ABCA9: variants seen among roughly 807,000 people sequenced by gnomAD.
The protein encoded by ABCA9 is ATP-binding cassette sub-family A member 9.
In ABCA9, 183 loss-of-function variants were observed where a neutral mutation model predicts 205.3. That is an observed-to-expected ratio of 0.89 (90% CI 0.79 to 1.01). The LOEUF (loss-of-function observed/expected upper bound fraction) is 1.01. Ranked by LOEUF, ABCA9 falls within the 50% of genes least tolerant of loss-of-function variation. The pLI, the probability that ABCA9 is intolerant of heterozygous loss-of-function variation, is 0.00. For missense variants in ABCA9, 1,805 were observed against 1,912.4 expected (o/e 0.94, Z 1.05); for synonymous variants, 651 against 683.3 (o/e 0.95, Z 0.74).
chr17:68,997,692 A>T (rs2144083752), intron 25 of ABCA9, among the ~76,000 whole-genome samples: 1 of 148,552 alleles, frequency 6.7e-6, no homozygotes, highest in East Asian at 2.0e-4. Flanking sequence ...AGGTTAAGAG[A>T]TTTCTCATAT....
chr17:68,993,135 T>C (rs371903512), intron 26 of ABCA9, 51 bp from the exon 27 acceptor site: 4 of 1,481,800 alleles, frequency 2.7e-6, no homozygotes, highest in Non-Finnish European at 3.8e-6. Flanking sequence ...TATTTATTCA[T>C]GGAATTTATC....
At position 69,018,480 on chromosome 17, in the gene ABCA9, T is replaced by C. The variant is rs1211341846; in HGVS notation, c.2700A>G (p.Thr900=). 1 of 1,608,422 alleles carries C rather than the reference T, an allele frequency of 6.2e-7. No individual in the cohort carries two copies. Among genetic ancestry groups the C allele is most frequent in the Admixed American group, 1.7e-5 (1 of 58,504 alleles). ...GTTGTTGTCCTGGTGAGAGGAAGTA[T>C]GTATTTGGAGACAGTTCCCACGGGT... The part of the protein sequence containing the change: ...KSYPWELSPN[T]YFLSPGQQPQ... Residue 900 remains threonine, a synonymous_variant, in exon 20 of 39, where the codon ACA becomes ACG. Transcript: ENST00000340001.
At chr17:68,992,888 CA>C in intron 27 of ABCA9, 127 bp downstream of exon 27, 2 of 650,434 alleles carry the variant, frequency 3.1e-6, no homozygotes, top group Non-Finnish European at 5.4e-6. Context: ...CATGCATGTG[CA>C]TGTGTGTGTT....
intron 25 of ABCA9, among the ~76,000 whole-genome samples, chr17:68,996,726 C>A (rs1311008487): frequency 2.0e-5 from 3 of 152,088 alleles, no homozygotes; most frequent in Admixed American, 2.0e-4. Context: ...AAGTAAATAA[C>A]TTTATAATTT....
chr17:68,999,269 C>G (rs1410900791), intron 25 of ABCA9, among the ~76,000 whole-genome samples: 8 of 117,894 alleles, frequency 6.8e-5, no homozygotes, highest in African/African-American at 2.6e-4. Flanking sequence ...AATGCTATCC[C>G]TTCCCCCTCC....
At chr17:69,007,093 G>A (rs2070165877) in intron 25 of ABCA9, among the ~76,000 whole-genome samples, 1 of 152,164 alleles carries the variant, frequency 6.6e-6, no homozygotes, top group Non-Finnish European at 1.5e-5. Flanking sequence ...ATAGCTAGGT[G>A]GATTCTGCTG....
the ABCA9 span, among the ~76,000 whole-genome samples, chr17:69,077,342 A>T: frequency 6.6e-6 from 1 of 151,968 alleles, no homozygotes; most frequent in Admixed American, 6.6e-5. Flanking sequence ...TGGTATTGCT[A>T]TTTTTATTCT....
intron 25 of ABCA9, among the ~76,000 whole-genome samples, chr17:69,005,909 A>G (rs1243192066): frequency 1.3e-5 from 2 of 152,158 alleles, no homozygotes; most frequent in African/African-American, 4.8e-5. Flanking sequence ...TTTTGTCAAC[A>G]TATTTCTTTC....
In ABCA9 at chr17:68,982,594, G is replaced by T; in HGVS notation, c.4688C>A (p.Pro1563His). Residue 1563 changes from proline to histidine, a missense_variant, in exon 37 of 39, where the codon CCT becomes CAT. Pro to His is a moderately conservative substitution (Grantham distance 77, BLOSUM62 -2). Coordinates refer to ENST00000340001, the MANE Select transcript of ABCA9 (RefSeq NM_080283.4). ...TAATTTGAAGAAAGCCTGTGATAAA[G>T]GTCGCACATCCTCAACAGGCAACTT... Reference protein sequence around the residue: ...VYKLPVEDVRPLSQAFFKLEI... With the variant: ...VYKLPVEDVRHLSQAFFKLEI... 1 of 1,614,054 alleles carries T rather than the reference G, an allele frequency of 6.2e-7. No homozygotes were observed. The highest frequency in any genetic ancestry group is 8.5e-7 in the Non-Finnish European group (1 of 1,179,962).
intron 31 of ABCA9, 160 bp from the exon 32 acceptor site, chr17:68,986,484 A>G: frequency 1.6e-6 from 1 of 624,762 alleles, no homozygotes; most frequent in Non-Finnish European, 2.5e-6. Flanking sequence ...AAGGTGGTAA[A>G]AGCCCACTTT....
In ABCA9 at chr17:68,983,753, A is replaced by C; in HGVS notation, c.4596T>G (p.His1532Gln). 1 of 1,614,230 alleles carries C rather than the reference A, an allele frequency of 6.2e-7. No individual in the cohort carries two copies. Among genetic ancestry groups the C allele is most frequent in the Non-Finnish European group, 8.5e-7 (1 of 1,180,052 alleles). ...LKNLAQMEPL[H>Q]AEILRLFPQA... ...GGGGGAAAAGCCTCAGGATCTCTGC[A>C]TGGAGGGGCTCCATTTGTGCCAGGT... The change falls in exon 36 of 39, where the codon CAT becomes CAG. Residue 1532 changes from histidine (H) to glutamine (Q), a missense_variant. Coordinates refer to ENST00000340001, the MANE Select transcript of ABCA9 (RefSeq NM_080283.4).
At chr17:68,984,199 G>A (rs777012120) in intron 34 of ABCA9, 24 bp from the exon 35 acceptor site, 26 of 1,612,020 alleles carry the variant, frequency 1.6e-5, no homozygotes, top group East Asian at 2.2e-5. Flanking sequence ...AAGAGAAAAC[G>A]TGAACTCATG....
intron 25 of ABCA9, chr17:69,004,796 G>A (rs1220238850): frequency 1.9e-5 from 3 of 160,652 alleles, no homozygotes; most frequent in Non-Finnish European, 4.0e-5. Flanking sequence ...TGAGCCAGGT[G>A]GGGGATATAA....
chr17:69,028,098 A>C (rs543792730), intron 12 of ABCA9, among the ~76,000 whole-genome samples: 1 of 152,248 alleles, frequency 6.6e-6, no homozygotes, highest in Non-Finnish European at 1.5e-5. Flanking sequence ...TAAAAGAATA[A>C]GAAAAACTTC....
At chr17:69,065,401 T>C (rs760962670), upstream of ABCA9, among the ~76,000 whole-genome samples, 21 of 152,306 alleles carry the variant, frequency 1.4e-4, no homozygotes, top group Admixed American at 5.2e-4. Context: ...CTTTCTGACA[T>C]AGAATTTTTA....
intron 31 of ABCA9, among the ~76,000 whole-genome samples, chr17:68,987,742 T>TG (rs1211375485): frequency 5.9e-5 from 8 of 135,744 alleles, no homozygotes; most frequent in African/African-American, 1.6e-4. Context: ...TTGCGTTTTT[T>TG]TTTGTTTGTT....
Position 69,043,718 on chromosome 17 carries a change from G to A in ABCA9, c.574-3C>T. 7 of 1,579,052 alleles carry A rather than the reference G, an allele frequency of 4.4e-6. No homozygotes were observed. Among genetic ancestry groups the A allele is most frequent in the Non-Finnish European group, 6.0e-6 (7 of 1,165,908 alleles). ...ATCACTGAATGATTTGTTGCGATCT[G>A]AAGAAAGATATCAATGAACAAATTG... On this transcript the variant is annotated splice_polypyrimidine_tract_variant and splice_region_variant and intron_variant, in intron 5 of 38. Coordinates refer to ENST00000340001, the MANE Select transcript of ABCA9 (RefSeq NM_080283.4).
intron 22 of ABCA9, among the ~76,000 whole-genome samples, chr17:69,013,097 C>CATT (rs1316318010): frequency 1.3e-5 from 2 of 152,288 alleles, no homozygotes; most frequent in East Asian, 3.9e-4. Context: ...ATATGTACCT[C>CATT]ATTTTCTTTA....
At position 69,043,494 on chromosome 17, in the gene ABCA9, T is replaced by C. The variant is rs1040429114; in HGVS notation, c.795A>G (p.Ala265=). 1.3e-6 allele frequency: 2 copies of C among 1,581,318 alleles called. No individual in the cohort carries two copies. The highest frequency in any genetic ancestry group is 2.7e-5 in the African/African-American group (2 of 73,824). The stretch of plus-strand genomic sequence containing the variant: ...ATTGGAGTCATATGATTTACCAGAA[T>C]GCTGACTCTCGGAGTCCCATCATTG... ...LMTMMGLRES[A]FWLSWGLMYA... Residue 265 remains alanine, a synonymous_variant, in exon 6 of 39, where the codon GCA becomes GCG. Transcript: ENST00000340001.
Sources: allele counts gnomAD v4.1 joint callset (sites outside exome capture counted in the v4.1 genomes callset), GRCh38; gene constraint gnomAD v4.1.1; transcripts MANE v1.5; gene names NCBI Gene and HGNC (gene_info 2026-07-23, HGNC 2026-07-21).